Variants in CERKL observed in about 807,000 individuals in gnomAD.
CERKL encodes CERK like autophagy regulator, also known as ceramide kinase-like protein.
In CERKL, 61 loss-of-function variants were observed where a neutral mutation model predicts 63.4. The observed-to-expected ratio is 0.96, with a 90% confidence interval of 0.78 to 1.19. The LOEUF (loss-of-function observed/expected upper bound fraction) is 1.19. Ranked by LOEUF, CERKL falls within the 50% of genes most tolerant of loss-of-function variation. The pLI is 0.00. For missense variants in CERKL, 675 were observed against 655.5 expected (o/e 1.03, Z -0.33); for synonymous variants, 250 against 230.5 (o/e 1.08, Z -0.77).
chr2:181,585,426 T>C, intron 2 of CERKL, among the ~76,000 whole-genome samples: 1 of 152,194 alleles, frequency 6.6e-6, no homozygotes, highest in East Asian at 1.9e-4. Context: ...AGCAAAAAGC[T>C]TCTCTTTAAA....
intron 1 of CERKL, among the ~76,000 whole-genome samples, chr2:181,604,667 A>G (rs930127035): frequency 6.6e-6 from 1 of 152,224 alleles, no homozygotes; most frequent in South Asian, 2.1e-4. Context: ...AAGTAACAGA[A>G]AAAATAGAAT....
intron 1 of CERKL, among the ~76,000 whole-genome samples, chr2:181,609,647 A>C (rs78832051): frequency 1.3e-5 from 2 of 151,804 alleles, no homozygotes; most frequent in South Asian, 4.2e-4. Flanking sequence ...CGGAGGTTGC[A>C]GTGAGCCAAG....
At chr2:181,538,299 C>A in intron 12 of CERKL, 55 bp from the exon 13 acceptor site, 3 of 1,026,236 alleles carry the variant, frequency 2.9e-6, no homozygotes, top group South Asian at 2.6e-5. Context: ...TCACATACAC[C>A]TAATAAGTAT....
intron 1 of CERKL, among the ~76,000 whole-genome samples, chr2:181,627,237 T>C (rs971181457): frequency 6.6e-6 from 1 of 152,182 alleles, no homozygotes; most frequent in African/African-American, 2.4e-5. Context: ...ACCAAGTTCT[T>C]ATTTTCAATT....
Position 181,539,158 on chromosome 2 carries a change from G to C in CERKL, c.1472C>G (p.Ser491Ter), listed in dbSNP as rs760426343. The change falls in exon 12 of 13, where the codon TCA becomes TGA. Residue 491 changes from serine (S) to a stop codon, truncating the protein, a stop_gained. Transcript: ENST00000410087. LOFTEE classifies it high-confidence loss of function. ...TACATTCCAAGGGAAACAATTTTCTGAAGCAGTTTCATCCTCCTCCTCCTC... is the reference window on the plus strand; with the variant it reads ...TACATTCCAAGGGAAACAATTTTCTCAAGCAGTTTCATCCTCCTCCTCCTC... ...NPEEEEDETA[S>*]ENCFPWNVDG... 6.2e-7 allele frequency: 1 copy of C among 1,609,816 alleles called. No individual in the cohort carries two copies. The highest frequency in any genetic ancestry group is 1.3e-5 in the African/African-American group (1 of 74,798).
intron 2 of CERKL, among the ~76,000 whole-genome samples, chr2:181,585,439 G>T (rs1431796872): frequency 6.6e-6 from 1 of 151,956 alleles, no homozygotes; most frequent in African/African-American, 2.4e-5. Flanking sequence ...TCTTTAAATT[G>T]GTATTTTATA....
At chr2:181,643,033 T>C (rs1417871565) in intron 1 of CERKL, among the ~76,000 whole-genome samples, 1 of 152,148 alleles carries the variant, frequency 6.6e-6, no homozygotes, top group African/African-American at 2.4e-5. Context: ...TCCCAGGTGG[T>C]TCCTCTAATT....
chr2:181,642,315 C>T (rs934348536), intron 1 of CERKL, among the ~76,000 whole-genome samples: 8 of 152,158 alleles, frequency 5.3e-5, no homozygotes, highest in African/African-American at 1.9e-4. Context: ...AACAGAACAC[C>T]CGGTATCCAT....
chr2:181,565,913 T>G (rs1350750394), intron 4 of CERKL, 145 bp downstream of exon 4: 1 of 623,514 alleles, frequency 1.6e-6, no homozygotes, highest in Non-Finnish European at 2.9e-6. Flanking sequence ...CATTAATTAT[T>G]ATTACATAGA....
intron 1 of CERKL, among the ~76,000 whole-genome samples, chr2:181,627,879 C>T (rs1686781053): frequency 6.6e-6 from 1 of 152,108 alleles, no homozygotes; most frequent in Non-Finnish European, 1.5e-5. Context: ...TAACAGATGG[C>T]AAAACTGTGC....
chr2:181,578,453 C>A (rs923118117), intron 2 of CERKL, among the ~76,000 whole-genome samples: 1 of 152,116 alleles, frequency 6.6e-6, no homozygotes, highest in South Asian at 2.1e-4. Context: ...GCATACACCA[C>A]CAGACCCAGC....
In CERKL at chr2:181,652,217, A is replaced by G. The variant is rs181601423; in HGVS notation, c.238+4552T>C. On this transcript the variant is annotated intron_variant, in intron 1 of 12. Transcript: ENST00000410087. ...AAAGCAACCCTGAGCAAAAAGAACAAAACTGGAAGTATCATACTACCTGAC... is the reference window on the plus strand; with the variant it reads ...AAAGCAACCCTGAGCAAAAAGAACAGAACTGGAAGTATCATACTACCTGAC... 2.0e-5 allele frequency among the ~76,000 whole-genome samples: 3 copies of G among 152,330 alleles called. No homozygotes were observed. In the East Asian group the frequency reaches 5.8e-4, roughly 29 times the overall value.
chr2:181,549,512 TTTCTC>T (rs1687891357), intron 6 of CERKL, 117 bp downstream of exon 6: 1 of 776,488 alleles, frequency 1.3e-6, no homozygotes, highest in Admixed American at 2.2e-5. Context: ...TAGTCAAACA[TTTCTC>T]TACTCTAAGA....
At position 181,537,732 on chromosome 2, in the gene CERKL, C is replaced by T. The variant is rs201131211; in HGVS notation, c.*452G>A. 1.6e-5 allele frequency: 7 copies of T among 439,428 alleles called. No individual in the cohort carries two copies. Among genetic ancestry groups the T allele is most frequent in the Non-Finnish European group, 3.2e-5 (7 of 219,566 alleles). 27.2% of individuals were successfully genotyped at this position (439,428 alleles called of 1,614,324 possible). ...AAAGTTTTTTTGTGTGTCCAATAAACACATTGTAAAAAAAAGAATTTGAAT... is the reference window on the plus strand; with the variant it reads ...AAAGTTTTTTTGTGTGTCCAATAAATACATTGTAAAAAAAAGAATTTGAAT... On this transcript the variant is annotated 3_prime_UTR_variant, in exon 13 of 13. Transcript: ENST00000410087.
intron 3 of CERKL, among the ~76,000 whole-genome samples, chr2:181,570,048 T>C (rs1332907926): frequency 6.6e-6 from 1 of 152,202 alleles, no homozygotes; most frequent in Non-Finnish European, 1.5e-5. Flanking sequence ...AAATATTTTT[T>C]TCATAAATAT....
intron 5 of CERKL, among the ~76,000 whole-genome samples, chr2:181,556,549 C>T (rs1289705469): frequency 6.6e-6 from 1 of 152,086 alleles, no homozygotes; most frequent in Non-Finnish European, 1.5e-5. Context: ...CAGCTTCATC[C>T]ATGTCCCTAC....
At chr2:181,595,055 G>T (rs1685141819) in intron 2 of CERKL, among the ~76,000 whole-genome samples, 1 of 152,120 alleles carries the variant, frequency 6.6e-6, no homozygotes, top group African/African-American at 2.4e-5. Context: ...TTCAGTGACA[G>T]AAGTTATTAA....
chr2:181,622,936 C>T (rs753249759), intron 1 of CERKL, among the ~76,000 whole-genome samples: 9 of 152,148 alleles, frequency 5.9e-5, no homozygotes, highest in South Asian at 2.1e-4. Flanking sequence ...TACAATAATT[C>T]CTGCTCATGC....
chr2:181,538,058 T>G lies in CERKL; in HGVS notation c.*126A>C, dbSNP rs776550772. On this transcript the variant is annotated 3_prime_UTR_variant, in exon 13 of 13. Coordinates refer to ENST00000410087, the MANE Select transcript of CERKL (RefSeq NM_201548.5). Reference sequence around the variant, plus strand: ...AGTTCATCCTGAAACCATTCCCCCATCCACGGAAAAATTGTCTTCCATGAA... The same window carrying G: ...AGTTCATCCTGAAACCATTCCCCCAGCCACGGAAAAATTGTCTTCCATGAA... 2.8e-6 allele frequency: 2 copies of G among 710,368 alleles called. No individual in the cohort carries two copies. The highest frequency in any genetic ancestry group is 3.8e-4 in the Middle Eastern group (1 of 2,660). The allele number at this position is 710,368 out of a possible 1,614,324, so 44.0% of individuals were successfully genotyped here. A position where few individuals can be genotyped will look rare whatever the true frequency, so the allele number is the denominator to read the frequency against.
Sources: allele counts gnomAD v4.1 joint callset (sites outside exome capture counted in the v4.1 genomes callset), GRCh38; gene constraint gnomAD v4.1.1; transcripts MANE v1.5; gene names NCBI Gene and HGNC (gene_info 2026-07-23, HGNC 2026-07-21).